The following ABCG8 variants were observed in gnomAD, a reference collection of about 807,000 sequenced individuals.
ABCG8 encodes ATP-binding cassette sub-family G member 8.
In ABCG8, 81 loss-of-function variants were observed where a neutral mutation model predicts 71.3. The ratio of observed to expected loss-of-function variants is 1.14; its 90% CI spans 0.95 to 1.37. The LOEUF (loss-of-function observed/expected upper bound fraction) is 1.37. Ranked by LOEUF, ABCG8 falls within the 40% of genes most tolerant of loss-of-function variation. The pLI, the probability that ABCG8 is intolerant of heterozygous loss-of-function variation, is 0.00. For synonymous variants in ABCG8, 451 were observed against 354.7 expected (o/e 1.27, Z -3.05); for missense variants, 1,119 against 866.2 (o/e 1.29, Z -3.66).
Position 43,879,339 on chromosome 2 carries a change from C to T in ABCG8, c.*1426C>T, listed in dbSNP as rs993503089. The T allele has an allele frequency of 6.6e-6, 1 of 152,204 alleles. No individual in the cohort carries two copies. Among genetic ancestry groups the T allele is most frequent in the South Asian group, 2.1e-4 (1 of 4,822 alleles). 9.4% of individuals were successfully genotyped at this position (152,204 alleles called of 1,614,324 possible). ...GTTTGGGAGGTAAATAGCAAATACT[C>T]TTCATAGGTTCACTAGAGTCTTGCT... is the stretch of plus-strand genomic sequence containing the variant. On this transcript the variant is annotated 3_prime_UTR_variant, in exon 13 of 13. Transcript: ENST00000272286.
chr2:43,857,707 T>C (rs1283843573), intron 6 of ABCG8, among the ~76,000 whole-genome samples: 2 of 151,756 alleles, frequency 1.3e-5, no homozygotes, highest in African/African-American at 4.8e-5. Flanking sequence ...GAACTCTTAC[T>C]ACCTGGAGAG....
rs774780757 is a variant in ABCG8, at chr2:43,877,688, A to G, written c.1884A>G (p.Lys628=). The part of the protein sequence containing the change: ...GNLTIAVSGD[K]ILSVMELDSY... ...TCACCATCGCGGTCTCAGGAGATAA[A>G]GTAAGCGGGGAAGGCCTCGGGTTCT... The change falls in exon 12 of 13, where the codon AAA becomes AAG. Residue 628 remains lysine (K), a splice_region_variant and synonymous_variant. Coordinates refer to ENST00000272286, the MANE Select transcript of ABCG8 (RefSeq NM_022437.3). The G allele has an allele frequency of 5.6e-6, 9 of 1,614,092 alleles. No individual in the cohort carries two copies. The East Asian group carries it at 1.8e-4, about 32-fold the overall frequency.
chr2:43,872,191 C>G (rs111740641), intron 7 of ABCG8, 32 bp from the exon 8 acceptor site: 2 of 1,613,986 alleles, frequency 1.2e-6, no homozygotes, highest in Middle Eastern at 1.6e-4. Context: ...GGTGGCTGCC[C>G]CCATGACCTG....
intron 6 of ABCG8, among the ~76,000 whole-genome samples, chr2:43,864,763 G>A (rs532587508): frequency 1.8e-4 from 27 of 151,182 alleles, no homozygotes; most frequent in East Asian, 1.8e-3. Context: ...CGTCTGCATG[G>A]AACTGTCACT....
chr2:43,839,274 G>C (rs1444525536), intron 1 of ABCG8, among the ~76,000 whole-genome samples, 158 bp downstream of exon 1: 1 of 152,134 alleles, frequency 6.6e-6, no homozygotes, highest in African/African-American at 2.4e-5. Context: ...TCAAAGGGCG[G>C]AGGGGAACAG....
rs770436712 is a variant in ABCG8, at chr2:43,874,317, CT to C, written c.1412-87del. The stretch of plus-strand genomic sequence containing the variant: ...AGAGACTTGGGCAATATGATAACTA[CT>C]TTGAATTGTATTAAGAGAGTCTCCA... On this transcript the variant is annotated intron_variant, in intron 9 of 12. Transcript: ENST00000272286. The C allele has an allele frequency of 2.4e-4, 269 of 1,128,836 alleles. 1 individual carries two copies. The highest frequency in any genetic ancestry group is 3.5e-4 in the Non-Finnish European group (260 of 739,490). The allele number at this position is 1,128,836 out of a possible 1,614,324, so 69.9% of individuals were successfully genotyped here.
chr2:43,852,302 C>T, intron 4 of ABCG8, 52 bp from the exon 5 acceptor site: 2 of 1,611,174 alleles, frequency 1.2e-6, no homozygotes, highest in Non-Finnish European at 1.7e-6. Flanking sequence ...ACAATGTGTC[C>T]AGCCCTGAAG....
rs1399395749 is a variant in ABCG8 at position 43,877,592 on chromosome 2, G to A, written c.1788G>A (p.Leu596=). 1.9e-6 allele frequency: 3 copies of A among 1,614,016 alleles called. No homozygotes were observed. Among genetic ancestry groups the A allele is most frequent in the Non-Finnish European group, 2.5e-6 (3 of 1,180,026 alleles). Residue 596 remains leucine (L), a synonymous_variant, in exon 12 of 13, where the codon CTG becomes CTA. Transcript: ENST00000272286. ...CGTGGATTTCCAAAGTGTCCTTCCTGCGGTGGTGTTTTGAAGGGCTGATGA... is the reference window on the plus strand; with the variant it reads ...CGTGGATTTCCAAAGTGTCCTTCCTACGGTGGTGTTTTGAAGGGCTGATGA... ...VPAWISKVSF[L]RWCFEGLMKI... is the part of the protein sequence containing the mutation.
At chr2:43,839,239 T>C in intron 1 of ABCG8, 123 bp downstream of exon 1, 1 of 1,086,944 alleles carries the variant, frequency 9.2e-7, no homozygotes, top group East Asian at 2.6e-5. Flanking sequence ...TGTGAGGACA[T>C]GGCCGCAGGA....
intron 6 of ABCG8, among the ~76,000 whole-genome samples, chr2:43,868,606 G>C (rs980073598): frequency 6.6e-6 from 1 of 151,610 alleles, no homozygotes; most frequent in Admixed American, 6.6e-5. Flanking sequence ...ATCATCGTCT[G>C]GATAGAACTC....
chr2:43,842,833 T>C (rs887788596), intron 1 of ABCG8, among the ~76,000 whole-genome samples: 41 of 152,046 alleles, frequency 2.7e-4, no homozygotes, highest in Non-Finnish European at 8.8e-5. Flanking sequence ...CATTAAGCAA[T>C]GGAAGTCACT....
Position 43,875,381 on chromosome 2 carries a change from G to T in ABCG8, c.1724G>T (p.Gly575Val), listed in dbSNP as rs751667923. 3 of 1,613,990 alleles carry T rather than the reference G, an allele frequency of 1.9e-6. No homozygotes were observed. The highest frequency in any genetic ancestry group is 1.3e-5 in the African/African-American group (1 of 74,950). The part of the protein sequence containing the change: ...ALYNSFYLAG[G>V]FMINLSSLWT... ...TACAACTCCTTCTACCTCGCCGGGGGCTTCATGATAAACTTGAGCAGCCTG... is the reference window on the plus strand; with the variant it reads ...TACAACTCCTTCTACCTCGCCGGGGTCTTCATGATAAACTTGAGCAGCCTG... The change falls in exon 11 of 13, where the codon GGC (glycine) becomes GTC (valine). Residue 575 changes from glycine (G) to valine (V), a missense_variant. By Grantham distance (109) the Gly-to-Val change is moderately radical. Transcript: ENST00000272286.
intron 3 of ABCG8, chr2:43,846,988 GTGCACACACA>G (rs56411568): frequency 0.26 from 32,502 of 124,296 alleles, 3,607 homozygotes; most frequent in African/African-American, 0.36. Context: ...GCACGCGCGC[GTGCACACACA>G]CACACACACA....
rs1035033865 is a variant in ABCG8, at chr2:43,873,253, A to G, written c.1212-534A>G. On this transcript the variant is annotated intron_variant, in intron 8 of 12. Coordinates refer to ENST00000272286, the MANE Select transcript of ABCG8 (RefSeq NM_022437.3). ...ACCCAGGCTGGAGTGCACTAGGGCA[A>G]TCTTGGCTCACTGCAACCTCCGCCT... Among the ~76,000 whole-genome samples, 4 of 151,142 alleles carry G rather than the reference A, an allele frequency of 2.6e-5. No homozygotes were observed. The East Asian group carries it at 7.7e-4, about 29-fold the overall frequency.
rs1258061153 is a variant in ABCG8, at chr2:43,879,602, A to C, written c.*1689A>C. The C allele has an allele frequency of 6.6e-6, 1 of 152,242 alleles. No homozygotes were observed. The highest frequency in any genetic ancestry group is 6.5e-5 in the Admixed American group (1 of 15,286). 9.4% of individuals were successfully genotyped at this position (152,242 alleles called of 1,614,324 possible). A position where few individuals can be genotyped will look rare whatever the true frequency, so the allele number is the denominator to read the frequency against. On this transcript the variant is annotated 3_prime_UTR_variant, in exon 13 of 13. Transcript: ENST00000272286. ...CCTGCAGACCCCATTCTTGAGATTG[A>C]CTGGGAGTTCCTATCATGTCCTCCA... is the stretch of plus-strand genomic sequence containing the variant.
rs548328895 is a variant in ABCG8, at chr2:43,872,333, A to T, written c.1211+27A>T. ...TAATTATCTGTCATTTTATTACTGA[A>T]CCCGCCCCCCTGCCCAAGTCTTTGT... is the stretch of plus-strand genomic sequence containing the variant. On this transcript the variant is annotated intron_variant, in intron 8 of 12. Transcript: ENST00000272286. 89 of 1,601,952 alleles carry T rather than the reference A, an allele frequency of 5.6e-5. No individual in the cohort carries two copies. The South Asian group carries it at 9.0e-4, about 16-fold the overall frequency.
chr2:43,875,416 A>C lies in ABCG8; in HGVS notation c.1756+3A>C, dbSNP rs772969005. The C allele has an allele frequency of 1.2e-6, 2 of 1,612,670 alleles. No homozygotes were observed. The highest frequency in any genetic ancestry group is 2.7e-5 in the African/African-American group (2 of 75,052). ...AAACTTGAGCAGCCTGTGGACAGGTAAGGCCTGCCCCCGGGGCCTGGGCCA... is the reference window on the plus strand; with the variant it reads ...AAACTTGAGCAGCCTGTGGACAGGTCAGGCCTGCCCCCGGGGCCTGGGCCA... On this transcript the variant is annotated splice_donor_region_variant and intron_variant, in intron 11 of 12. Transcript: ENST00000272286.
chr2:43,875,375 C>T lies in ABCG8; in HGVS notation c.1718C>T (p.Ala573Val), dbSNP rs1669927501. The change falls in exon 11 of 13, where the codon GCC becomes GTC. Residue 573 changes from alanine to valine, a missense_variant. Transcript: ENST00000272286. ...SNALYNSFYLAGGFMINLSSL... is the reference protein window; with the variant it reads ...SNALYNSFYLVGGFMINLSSL... ...GCCCTCTACAACTCCTTCTACCTCG[C>T]CGGGGGCTTCATGATAAACTTGAGC... 1.2e-6 allele frequency: 2 copies of T among 1,614,140 alleles called. No homozygotes were observed. Among genetic ancestry groups the T allele is most frequent in the Non-Finnish European group, 1.7e-6 (2 of 1,180,042 alleles).
intron 6 of ABCG8, among the ~76,000 whole-genome samples, chr2:43,868,727 A>C (rs1669634756): frequency 6.6e-6 from 1 of 151,804 alleles, no homozygotes; most frequent in African/African-American, 2.4e-5. Flanking sequence ...TATAATTCCC[A>C]CTATCGATCA....
Sources: allele counts gnomAD v4.1 joint callset (sites outside exome capture counted in the v4.1 genomes callset), GRCh38; gene constraint gnomAD v4.1.1; transcripts MANE v1.5; gene names NCBI Gene and HGNC (gene_info 2026-07-23, HGNC 2026-07-21).